BCKDHB: variants seen among roughly 807,000 people sequenced by gnomAD.
The protein encoded by BCKDHB is branched chain keto acid dehydrogenase E1 subunit beta, also known as 2-oxoisovalerate dehydrogenase subunit beta, mitochondrial.
BCKDHB carries 41 observed loss-of-function variants against 48.5 expected under a neutral mutation model. The observed-to-expected ratio is 0.85, with a 90% CI of 0.66 to 1.10. The LOEUF (loss-of-function observed/expected upper bound fraction) is 1.10. Among genes scored for constraint, BCKDHB ranks in the 50% least tolerant of loss-of-function variants. The pLI is 0.00. For synonymous variants in BCKDHB, 201 were observed against 174.8 expected, an observed-to-expected ratio of 1.15 and a Z score of -1.18; for missense variants, 496 against 494.2, an observed-to-expected ratio of 1.00 and a Z score of -0.03.
chr6:80,368,903 C>T, the BCKDHB span, among the ~76,000 whole-genome samples: 1 of 151,590 alleles, frequency 6.6e-6, no homozygotes, highest in Non-Finnish European at 1.5e-5. Context: ...GTCCCAGCTA[C>T]TTGGGAGGCT....
intron 1 of BCKDHB, among the ~76,000 whole-genome samples, chr6:80,113,562 C>A (rs567777747): frequency 1.3e-5 from 2 of 152,192 alleles, no homozygotes; most frequent in Non-Finnish European, 2.9e-5. Context: ...AAAAAGCATT[C>A]CCCTGTATGG....
At chr6:80,198,013 G>T (rs899082071) in intron 6 of BCKDHB, among the ~76,000 whole-genome samples, 1 of 151,960 alleles carries the variant, frequency 6.6e-6, no homozygotes, top group Admixed American at 6.6e-5. Context: ...GAATACTGGG[G>T]TTAAGCCATC....
chr6:80,189,242 AT>A (rs1443667705), intron 6 of BCKDHB, among the ~76,000 whole-genome samples: 1 of 151,990 alleles, frequency 6.6e-6, no homozygotes, highest in Admixed American at 6.6e-5. Flanking sequence ...TATACCTTTA[AT>A]TTTTTTCTTT....
intron 1 of BCKDHB, among the ~76,000 whole-genome samples, chr6:80,119,053 G>A (rs1247962564): frequency 6.6e-6 from 1 of 152,098 alleles, no homozygotes; most frequent in Non-Finnish European, 1.5e-5. Flanking sequence ...ACTTTGGGAG[G>A]CCAAGGCTGG....
rs191976743 is a variant in BCKDHB, at chr6:80,165,369, T to C, written c.344-2309T>C. 1.6e-4 allele frequency among the ~76,000 whole-genome samples: 24 copies of C among 152,326 alleles called. No individual in the cohort carries two copies. The East Asian group carries it at 3.9e-3, about 24-fold the overall frequency. On this transcript the variant is annotated intron_variant, in intron 3 of 9. Coordinates refer to ENST00000320393, the MANE Select transcript of BCKDHB (RefSeq NM_183050.4). ...CACAGATCATGATGAGTATGAATCA[T>C]GCTTTCAGTTTTTGCAGCTGCTTAT...
At chr6:80,209,447 T>C (rs1450618743) in intron 8 of BCKDHB, among the ~76,000 whole-genome samples, 1 of 151,976 alleles carries the variant, frequency 6.6e-6, no homozygotes, top group East Asian at 1.9e-4. Context: ...AGATGTGTTA[T>C]TAGTGCTGTA....
At chr6:80,132,988 A>G (rs983249479) in intron 3 of BCKDHB, among the ~76,000 whole-genome samples, 2 of 152,226 alleles carry the variant, frequency 1.3e-5, no homozygotes, top group African/African-American at 4.8e-5. Flanking sequence ...TGTATTTAAA[A>G]TAACTAAAAG....
chr6:80,335,604 A>G (rs1361067526), intron 9 of BCKDHB, among the ~76,000 whole-genome samples: 1 of 152,260 alleles, frequency 6.6e-6, no homozygotes, highest in South Asian at 2.1e-4. Context: ...AAACTTGCAC[A>G]TAGTGTATCT....
the BCKDHB span, among the ~76,000 whole-genome samples, chr6:80,426,957 T>C: frequency 6.6e-6 from 1 of 152,138 alleles, no homozygotes; most frequent in Non-Finnish European, 1.5e-5. Flanking sequence ...ATTTTTATAT[T>C]TCTTTTCTCA....
In BCKDHB at chr6:80,224,441, G is replaced by A. The variant is rs962905754; in HGVS notation, c.951+21229G>A. 5.3e-5 allele frequency among the ~76,000 whole-genome samples: 8 copies of A among 151,492 alleles called. 1 individual carries two copies. The highest frequency in any genetic ancestry group is 3.2e-3 in the Middle Eastern group (1 of 316). ...AAGGTCTCACTGTGTTGCACAGGCC[G>A]CAGTACAATGGCACAATCTCAGCTC... On this transcript the variant is annotated intron_variant, in intron 8 of 9. Transcript: ENST00000320393.
At chr6:80,380,720 C>A in the BCKDHB span, among the ~76,000 whole-genome samples, 1 of 151,634 alleles carries the variant, frequency 6.6e-6, no homozygotes, top group Non-Finnish European at 1.5e-5. Flanking sequence ...CTACAAGTAG[C>A]TCAAACAAGT....
the BCKDHB span, among the ~76,000 whole-genome samples, chr6:80,406,511 G>C: frequency 6.6e-6 from 1 of 152,142 alleles, no homozygotes; most frequent in South Asian, 2.1e-4. Context: ...ATCCTCTCCA[G>C]CATCTGTTGT....
At chr6:80,153,091 C>T (rs1771868548) in intron 3 of BCKDHB, among the ~76,000 whole-genome samples, 1 of 152,120 alleles carries the variant, frequency 6.6e-6, no homozygotes, top group Non-Finnish European at 1.5e-5. Flanking sequence ...TTCTTTAATC[C>T]AGGAGTTGCC....
chr6:80,340,775 GTGTGTGTGTGTGTGTT>G (rs1769850261), intron 9 of BCKDHB, among the ~76,000 whole-genome samples: 1 of 148,914 alleles, frequency 6.7e-6, no homozygotes, highest in Non-Finnish European at 1.5e-5. Flanking sequence ...TTTTTTTTCT[GTGTGTGTGTGTGTGTT>G]TGTGTGTGTG....
intron 8 of BCKDHB, among the ~76,000 whole-genome samples, chr6:80,231,998 CAG>C (rs2127889635): frequency 6.6e-6 from 1 of 152,302 alleles, no homozygotes; most frequent in Non-Finnish European, 1.5e-5. Flanking sequence ...TTTCTAAAAA[CAG>C]AGTACATGTA....
At chr6:80,395,926 A>T in the BCKDHB span, among the ~76,000 whole-genome samples, 7 of 152,336 alleles carry the variant, frequency 4.6e-5, no homozygotes, top group East Asian at 1.4e-3. Flanking sequence ...AGAGAGTACA[A>T]ACCTCAAGCC....
chr6:80,295,882 T>C (rs1767213372), intron 9 of BCKDHB, among the ~76,000 whole-genome samples: 1 of 152,200 alleles, frequency 6.6e-6, no homozygotes, highest in South Asian at 2.1e-4. Context: ...ACGTGGGAAT[T>C]ATGGAACCTA....
At chr6:80,426,945 G>A in the BCKDHB span, among the ~76,000 whole-genome samples, 1 of 151,794 alleles carries the variant, frequency 6.6e-6, no homozygotes, top group Admixed American at 6.6e-5. Flanking sequence ...CTATAATTTT[G>A]GATTTTTATA....
At chr6:80,413,664 G>A in the BCKDHB span, among the ~76,000 whole-genome samples, 2 of 152,184 alleles carry the variant, frequency 1.3e-5, no homozygotes, top group Non-Finnish European at 2.9e-5. Flanking sequence ...ATTCCATGAT[G>A]CATATATACT....
Sources: allele counts gnomAD v4.1 joint callset (sites outside exome capture counted in the v4.1 genomes callset), GRCh38; gene constraint gnomAD v4.1.1; transcripts MANE v1.5; gene names NCBI Gene and HGNC (gene_info 2026-07-23, HGNC 2026-07-21).